The following CSMD1 variants were observed in gnomAD, a reference collection of about 807,000 sequenced individuals.
CSMD1 encodes CUB and Sushi multiple domains 1, also known as CUB and sushi domain-containing protein 1.
Under a neutral mutation model 417.5 loss-of-function variants are expected in CSMD1, and 213 were observed. That is an observed-to-expected ratio of 0.51 (90% CI 0.46 to 0.57). CSMD1 has a LOEUF of 0.57. CSMD1 is among the 20% of genes least tolerant of loss of function. The pLI is 0.00. For synonymous variants in CSMD1, 2,862 were observed against 1,736.8 expected, an observed-to-expected ratio of 1.65 and a Z score of -16.11; for missense variants, 6,923 against 4,529.7, an observed-to-expected ratio of 1.53 and a Z score of -15.17.
At chr8:3,695,864 A>AT (rs1386543128) in intron 7 of CSMD1, among the ~76,000 whole-genome samples, 1 of 152,182 alleles carries the variant, frequency 6.6e-6, no homozygotes, top group Non-Finnish European at 1.5e-5. Flanking sequence ...TTACCATTAT[A>AT]TTTTTTACAA....
At chr8:4,138,324 T>C (rs1803563399) in intron 3 of CSMD1, among the ~76,000 whole-genome samples, 1 of 151,916 alleles carries the variant, frequency 6.6e-6, no homozygotes, top group South Asian at 2.1e-4. Context: ...AGTTGAGATT[T>C]ACACATTTGA....
intron 3 of CSMD1, among the ~76,000 whole-genome samples, chr8:4,109,082 C>T (rs1801719340): frequency 6.6e-6 from 1 of 152,182 alleles, no homozygotes; most frequent in Admixed American, 6.5e-5. Flanking sequence ...CATATAACCG[C>T]ATCCATTCTC....
chr8:4,537,543 A>G (rs1445004947), intron 2 of CSMD1, among the ~76,000 whole-genome samples: 2 of 152,198 alleles, frequency 1.3e-5, no homozygotes, highest in Non-Finnish European at 2.9e-5. Context: ...CTCTGATTAA[A>G]AAGATTAGTT....
chr8:4,386,109 A>G lies in CSMD1; in HGVS notation c.415+33844T>C, dbSNP rs1170336047. Among the ~76,000 whole-genome samples, 4 of 152,134 alleles carry G rather than the reference A, an allele frequency of 2.6e-5. No homozygotes were observed. In the South Asian group the frequency reaches 8.3e-4, roughly 32 times the overall value. On this transcript the variant is annotated intron_variant, in intron 3 of 69. Transcript: ENST00000635120. ...TTCTCTCGCTGTACCCAGAATCTTG[A>G]CTTTTACCCGGGAATTTCAAACCTT...
At chr8:4,021,040 A>G (rs186304014) in intron 4 of CSMD1, among the ~76,000 whole-genome samples, 23 of 152,348 alleles carry the variant, frequency 1.5e-4, no homozygotes, top group African/African-American at 5.5e-4. Context: ...AAGTGAGAAT[A>G]AAACCCAGTG....
At chr8:4,305,718 C>T (rs75733625) in intron 3 of CSMD1, among the ~76,000 whole-genome samples, 2,434 of 152,296 alleles carry the variant, frequency 0.016, 30 homozygotes, top group South Asian at 0.045. Flanking sequence ...GGAATGATCT[C>T]TTGCATGTAC....
At chr8:4,161,951 A>G (rs1355885463) in intron 3 of CSMD1, among the ~76,000 whole-genome samples, 1 of 152,188 alleles carries the variant, frequency 6.6e-6, no homozygotes, top group South Asian at 2.1e-4. Flanking sequence ...AGTATAGTAC[A>G]CAACATACCT....
chr8:4,094,259 A>C (rs1262333872), intron 3 of CSMD1, among the ~76,000 whole-genome samples: 1 of 152,076 alleles, frequency 6.6e-6, no homozygotes. Flanking sequence ...TTTGTAAATC[A>C]GGGGTGATCT....
rs112397560 is a variant in CSMD1 at position 3,931,284 on chromosome 8, G to C, written c.818+66619C>G. Among the ~76,000 whole-genome samples the C allele has an allele frequency of 3.7e-3, 558 of 150,458 alleles. 36 individuals carry two copies. Among genetic ancestry groups the C allele is most frequent in the African/African-American group, 0.012 (506 of 40,816 alleles). On this transcript the variant is annotated intron_variant, in intron 5 of 69. Coordinates refer to ENST00000635120, the MANE Select transcript of CSMD1 (RefSeq NM_033225.6). ...TCTGCATTTTGAATTGTTAATAAATGGTATTGTGAAATTTTCAAATAAAAT... is the reference window on the plus strand; with the variant it reads ...TCTGCATTTTGAATTGTTAATAAATCGTATTGTGAAATTTTCAAATAAAAT...
intron 1 of CSMD1, among the ~76,000 whole-genome samples, chr8:4,722,351 T>C (rs1379219282): frequency 2.0e-5 from 3 of 152,166 alleles, no homozygotes; most frequent in African/African-American, 4.8e-5. Flanking sequence ...CAGATTTTAA[T>C]TTTATCAAAG....
chr8:3,433,788 T>C (rs1479571038), intron 12 of CSMD1, among the ~76,000 whole-genome samples: 1 of 152,320 alleles, frequency 6.6e-6, no homozygotes, highest in East Asian at 1.9e-4. Context: ...CAGAGCAGAT[T>C]CACCAGTGCA....
At chr8:3,532,763 T>C (rs184992403) in intron 10 of CSMD1, among the ~76,000 whole-genome samples, 10 of 152,312 alleles carry the variant, frequency 6.6e-5, no homozygotes, top group Admixed American at 3.3e-4. Flanking sequence ...ATAGACAACA[T>C]AATAATGGTG....
chr8:4,724,945 G>A (rs116572423), intron 1 of CSMD1, among the ~76,000 whole-genome samples: 70 of 152,176 alleles, frequency 4.6e-4, no homozygotes, highest in African/African-American at 1.7e-3. Flanking sequence ...TGTTACAGTT[G>A]TATAAATGAT....
intron 3 of CSMD1, among the ~76,000 whole-genome samples, chr8:4,411,944 A>G (rs748606774): frequency 2.1e-4 from 32 of 152,090 alleles, no homozygotes; most frequent in Non-Finnish European, 4.0e-4. Context: ...TAATAGTACT[A>G]GAACTTACGA....
intron 23 of CSMD1, among the ~76,000 whole-genome samples, chr8:3,319,145 G>A (rs1805979108): frequency 6.6e-6 from 1 of 152,246 alleles, no homozygotes; most frequent in Admixed American, 6.5e-5. Context: ...TGCTGAAAAG[G>A]CCTAGCTTTT....
chr8:4,466,619 A>G (rs932168204), intron 2 of CSMD1, among the ~76,000 whole-genome samples: 15 of 152,152 alleles, frequency 9.9e-5, no homozygotes, highest in Non-Finnish European at 2.1e-4. Flanking sequence ...AAGCCAGTTC[A>G]ATTTTTTGAC....
At chr8:4,994,159 G>C (rs973863938) in intron 1 of CSMD1, among the ~76,000 whole-genome samples, 173 bp downstream of exon 1, 1 of 152,262 alleles carries the variant, frequency 6.6e-6, no homozygotes, top group East Asian at 1.9e-4. Flanking sequence ...GCTGGGGAGA[G>C]CGCGATGGAA....
chr8:4,086,167 A>T (rs572665328), intron 3 of CSMD1, among the ~76,000 whole-genome samples: 59 of 152,330 alleles, frequency 3.9e-4, no homozygotes, highest in African/African-American at 1.4e-3. Flanking sequence ...AAAAGTGCAT[A>T]TAAGTAATTT....
At chr8:3,673,847 G>T (rs190172081) in intron 7 of CSMD1, among the ~76,000 whole-genome samples, 1 of 152,172 alleles carries the variant, frequency 6.6e-6, no homozygotes, top group Non-Finnish European at 1.5e-5. Flanking sequence ...GCCAGGCATG[G>T]TGGCTCACCC....
Sources: gnomAD v4.1 joint callset for allele counts (sites outside exome capture counted in the v4.1 genomes callset) on GRCh38, gnomAD v4.1.1 for gene constraint, MANE v1.5 for transcripts, NCBI Gene and HGNC (gene_info 2026-07-23, HGNC 2026-07-21) for gene names.